The following KNSTRN variants were observed in gnomAD, a reference collection of about 807,000 sequenced individuals.
KNSTRN encodes small kinetochore-associated protein.
A neutral mutation model predicts 44.7 loss-of-function variants in KNSTRN; 38 were observed. The observed-to-expected ratio is 0.85, with a 90% CI of 0.66 to 1.11. The LOEUF (loss-of-function observed/expected upper bound fraction) is 1.11. Ranked by LOEUF, KNSTRN falls within the 50% of genes most tolerant of loss-of-function variation. KNSTRN has a pLI of 0.00. For synonymous variants in KNSTRN, 158 were observed against 148.1 expected, an observed-to-expected ratio of 1.07 and a Z score of -0.48; for missense variants, 406 against 375.8, an observed-to-expected ratio of 1.08 and a Z score of -0.66.
In KNSTRN at chr15:40,383,045, G is replaced by A. The variant is rs1227618658; in HGVS notation, c.209+1G>A. 1.2e-6 allele frequency: 2 copies of A among 1,610,100 alleles called. No homozygotes were observed. Among genetic ancestry groups the A allele is most frequent in the Non-Finnish European group, 1.7e-6 (2 of 1,179,960 alleles). ...GCGGGCAGGACCGGCGGGCTCCTGG[G>A]TTCGGCTCTCCCGGGGCGAGGGACT... On this transcript the variant is annotated splice_donor_variant, in intron 1 of 8. Transcript: ENST00000249776. LOFTEE classifies it high-confidence loss of function.
At chr15:40,392,091 G>A in intron 8 of KNSTRN, 68 bp downstream of exon 8, 1 of 896,864 alleles carries the variant, frequency 1.1e-6, no homozygotes, top group Non-Finnish European at 1.7e-6. Flanking sequence ...GGTCTTTTCT[G>A]TTTTTCTATT....
intron 4 of KNSTRN, among the ~76,000 whole-genome samples, chr15:40,388,625 G>A (rs962583247): frequency 1.3e-5 from 2 of 152,030 alleles, no homozygotes; most frequent in South Asian, 4.1e-4. Context: ...AACCCAGGAG[G>A]TGGAGCTTGC....
Position 40,392,043 on chromosome 15 carries a change from C to T in KNSTRN, c.822+20C>T. Reference sequence around the variant, plus strand: ...TTACAGGTGAGAGGCAGACATCACCCTGACCATTTCCTACCATGATAGGTA... The same window carrying T: ...TTACAGGTGAGAGGCAGACATCACCTTGACCATTTCCTACCATGATAGGTA... On this transcript the variant is annotated intron_variant, in intron 8 of 8. Transcript: ENST00000249776. The T allele has an allele frequency of 1.3e-6, 2 of 1,545,204 alleles. No homozygotes were observed. The highest frequency in any genetic ancestry group is 2.4e-5 in the South Asian group (2 of 82,418).
intron 8 of KNSTRN, among the ~76,000 whole-genome samples, chr15:40,392,830 C>T (rs1246072091): frequency 1.3e-5 from 2 of 152,070 alleles, no homozygotes; most frequent in Admixed American, 6.6e-5. Flanking sequence ...AGGCTGGTTT[C>T]GAACTCCTGA....
At chr15:40,389,735 G>T (rs894368933) in intron 5 of KNSTRN, 101 bp from the exon 6 acceptor site, 1 of 1,358,790 alleles carries the variant, frequency 7.4e-7, no homozygotes, top group South Asian at 1.2e-5. Flanking sequence ...GAAAAAAAAA[G>T]CCAGGCTTTT....
chr15:40,383,764 A>G (rs747556881), intron 2 of KNSTRN, among the ~76,000 whole-genome samples: 5 of 152,192 alleles, frequency 3.3e-5, no homozygotes, highest in African/African-American at 1.2e-4. Context: ...TCTCATTACC[A>G]CATTCTCAAT....
intron 8 of KNSTRN, among the ~76,000 whole-genome samples, 163 bp downstream of exon 8, chr15:40,392,186 GT>G (rs10681422): frequency 2.1e-4 from 31 of 149,078 alleles, no homozygotes; most frequent in South Asian, 1.1e-3. Flanking sequence ...ATAGTAACGT[GT>G]TTTTTTTTTT....
chr15:40,389,769 G>T, intron 5 of KNSTRN, 67 bp from the exon 6 acceptor site: 1 of 1,498,036 alleles, frequency 6.7e-7, no homozygotes, highest in South Asian at 1.1e-5. Context: ...AAGAGCAAGG[G>T]CAAGAAAGGG....
intron 3 of KNSTRN, chr15:40,386,930 G>A: frequency 1.7e-6 from 1 of 582,706 alleles, no homozygotes; most frequent in Admixed American, 3.0e-5. Flanking sequence ...GAACAGCTCT[G>A]TCAGGTTGTT....
chr15:40,391,286 C>A (rs903035037), intron 6 of KNSTRN, among the ~76,000 whole-genome samples: 1 of 152,098 alleles, frequency 6.6e-6, no homozygotes, highest in African/African-American at 2.4e-5. Flanking sequence ...ATATCAAAAC[C>A]TAGATTGAAA....
chr15:40,389,917 G>A lies in KNSTRN; in HGVS notation c.673G>A (p.Gly225Ser). 1 of 1,614,022 alleles carries A rather than the reference G, an allele frequency of 6.2e-7. No homozygotes were observed. Among genetic ancestry groups the A allele is most frequent in the Non-Finnish European group, 8.5e-7 (1 of 1,179,876 alleles). Residue 225 changes from glycine (G) to serine (S), a missense_variant, in exon 6 of 9, where the codon GGC (glycine) becomes AGC (serine). Gly to Ser is a moderately conservative substitution (Grantham distance 56, BLOSUM62 0). Coordinates refer to ENST00000249776, the MANE Select transcript of KNSTRN (RefSeq NM_033286.4). ...CTGTTTGGCAATTTTGGAGAGCAAG[G>A]GCCTTGATCCAGGTAAGAGACAGCA... ...DNCLAILESK[G>S]LDPALGSETL...
chr15:40,386,655 C>A, intron 3 of KNSTRN, 161 bp downstream of exon 3: 1 of 670,618 alleles, frequency 1.5e-6, no homozygotes. Flanking sequence ...GTGCCAGAAC[C>A]CTCTGTGTTG....
intron 3 of KNSTRN, 178 bp downstream of exon 3, chr15:40,386,672 C>G: frequency 1.6e-6 from 1 of 614,684 alleles, no homozygotes; most frequent in Non-Finnish European, 2.8e-6. Flanking sequence ...GTTGATCTTT[C>G]TGAAGAGACA....
intron 6 of KNSTRN, 128 bp from the exon 7 acceptor site, chr15:40,391,365 C>T (rs1889993434): frequency 2.9e-6 from 2 of 688,090 alleles, no homozygotes; most frequent in Admixed American, 2.6e-5. Context: ...AGGAGAAAGT[C>T]CAGGATGAGA....
Position 40,383,010 on chromosome 15 carries a change from G to T in KNSTRN, c.175G>T (p.Glu59Ter). 1 of 1,611,720 alleles carries T rather than the reference G, an allele frequency of 6.2e-7. No individual in the cohort carries two copies. The highest frequency in any genetic ancestry group is 8.5e-7 in the Non-Finnish European group (1 of 1,180,036). The change falls in exon 1 of 9, where the codon GAG becomes TAG. Residue 59 changes from glutamate (E) to a stop codon, truncating the protein, a stop_gained. Coordinates refer to ENST00000249776, the MANE Select transcript of KNSTRN (RefSeq NM_033286.4). LOFTEE classifies it high-confidence loss of function. ...VAAGNLLNES[E>*]KDCGQDRRAP... is the part of the protein sequence containing the mutation. ...TGCAGGGAATCTTTTAAACGAGAGC[G>T]AGAAGGACTGCGGGCAGGACCGGCG...
rs751211021 is a variant in KNSTRN, at chr15:40,393,538, A to C, written c.892A>C (p.Asn298His). 8.1e-6 allele frequency: 13 copies of C among 1,614,154 alleles called. No homozygotes were observed. The highest frequency in any genetic ancestry group is 1.1e-5 in the Non-Finnish European group (13 of 1,180,008). The change falls in exon 9 of 9, where the codon AAT becomes CAT. Residue 298 changes from asparagine to histidine, a missense_variant. Coordinates refer to ENST00000249776, the MANE Select transcript of KNSTRN (RefSeq NM_033286.4). ...RFLEQQTLCN[N>H]QVNDLTTALK... ...CCTAGAACAGCAAACCTTATGTAACAATCAAGTAAATGATTTAACAACAGC... is the reference window on the plus strand; with the variant it reads ...CCTAGAACAGCAAACCTTATGTAACCATCAAGTAAATGATTTAACAACAGC...
intron 5 of KNSTRN, 81 bp downstream of exon 5, chr15:40,389,692 G>A (rs1889966015): frequency 2.3e-6 from 3 of 1,311,584 alleles, no homozygotes; most frequent in Non-Finnish European, 3.3e-6. Context: ...CCTTGGATGA[G>A]CAAGCTTGTT....
In KNSTRN at chr15:40,389,907, G is replaced by A. The variant is rs991141684; in HGVS notation, c.663G>A (p.Leu221=). The change falls in exon 6 of 9, where the codon TTG becomes TTA. Residue 221 remains leucine (L), a synonymous_variant. Coordinates refer to ENST00000249776, the MANE Select transcript of KNSTRN (RefSeq NM_033286.4). Reference sequence around the variant, plus strand: ...TTCGGGACAACTGTTTGGCAATTTTGGAGAGCAAGGGCCTTGATCCAGGTA... The same window carrying A: ...TTCGGGACAACTGTTTGGCAATTTTAGAGAGCAAGGGCCTTGATCCAGGTA... The part of the protein sequence containing the change: ...EKFRDNCLAI[L]ESKGLDPALG... 1.1e-5 allele frequency: 18 copies of A among 1,614,012 alleles called. No individual in the cohort carries two copies. Among genetic ancestry groups the A allele is most frequent in the Middle Eastern group, 1.6e-4 (1 of 6,082 alleles).
chr15:40,383,015 G>C lies in KNSTRN; in HGVS notation c.180G>C (p.Lys60Asn). 1 of 1,611,640 alleles carries C rather than the reference G, an allele frequency of 6.2e-7. No homozygotes were observed. The highest frequency in any genetic ancestry group is 8.5e-7 in the Non-Finnish European group (1 of 1,180,024). ...AAGNLLNESE[K>N]DCGQDRRAPG... The stretch of plus-strand genomic sequence containing the variant: ...GGAATCTTTTAAACGAGAGCGAGAA[G>C]GACTGCGGGCAGGACCGGCGGGCTC... Residue 60 changes from lysine (K) to asparagine (N), a missense_variant, in exon 1 of 9, where the codon AAG (lysine) becomes AAC (asparagine). Lys to Asn is a moderately conservative substitution (Grantham distance 94). Transcript: ENST00000249776.
Sources: gnomAD v4.1 joint callset for allele counts (sites outside exome capture counted in the v4.1 genomes callset) on GRCh38, gnomAD v4.1.1 for gene constraint, MANE v1.5 for transcripts, NCBI Gene and HGNC (gene_info 2026-07-23, HGNC 2026-07-21) for gene names.